Variants in DOCK10 observed in about 807,000 individuals in gnomAD.
DOCK10 encodes the protein dedicator of cytokinesis protein 10.
DOCK10 carries 145 observed loss-of-function variants against 280.1 expected under a neutral mutation model. The ratio of observed to expected loss-of-function variants is 0.52; its 90% CI spans 0.45 to 0.59. DOCK10 has a LOEUF of 0.59. Ranked by LOEUF, DOCK10 falls within the 20% of genes least tolerant of loss-of-function variation. The pLI is 0.00. For missense variants in DOCK10, 2,368 were observed against 2,651.7 expected, an observed-to-expected ratio of 0.89 and a Z score of 2.35; for synonymous variants, 915 against 942.2, an observed-to-expected ratio of 0.97 and a Z score of 0.53.
intron 1 of DOCK10, among the ~76,000 whole-genome samples, chr2:224,942,397 C>T (rs1489538768): frequency 6.6e-6 from 1 of 152,210 alleles, no homozygotes; most frequent in Non-Finnish European, 1.5e-5. Context: ...TCAACCTGTC[C>T]ATTTCCAACA....
At chr2:225,035,581 T>TG (rs1690232475) in intron 1 of DOCK10, among the ~76,000 whole-genome samples, 1 of 111,886 alleles carries the variant, frequency 8.9e-6, no homozygotes, top group African/African-American at 4.3e-5. Context: ...TATATATATA[T>TG]ATATATAACA....
chr2:224,973,426 A>G (rs1266969914), intron 1 of DOCK10, among the ~76,000 whole-genome samples: 1 of 152,130 alleles, frequency 6.6e-6, no homozygotes, highest in Non-Finnish European at 1.5e-5. Context: ...GGAAGGTGGG[A>G]GAGTCAGAGA....
intron 2 of DOCK10, among the ~76,000 whole-genome samples, chr2:224,926,320 G>GT (rs1341261755): frequency 6.6e-6 from 1 of 152,236 alleles, no homozygotes; most frequent in Non-Finnish European, 1.5e-5. Context: ...CAGACATTGT[G>GT]TTGGGTACTT....
chr2:224,900,220 C>G (rs1292250226), intron 3 of DOCK10, among the ~76,000 whole-genome samples: 1 of 151,836 alleles, frequency 6.6e-6, no homozygotes, highest in Non-Finnish European at 1.5e-5. Context: ...ATATGCTAGT[C>G]TTGAATTTCA....
intron 55 of DOCK10, among the ~76,000 whole-genome samples, chr2:224,767,747 A>G (rs1382659121): frequency 6.6e-6 from 1 of 152,132 alleles, no homozygotes; most frequent in Non-Finnish European, 1.5e-5. Flanking sequence ...CACCATCTTC[A>G]TGTTTGCTGG....
At chr2:224,844,082 T>C (rs892031016) in intron 22 of DOCK10, among the ~76,000 whole-genome samples, 2 of 152,104 alleles carry the variant, frequency 1.3e-5, no homozygotes, top group African/African-American at 4.8e-5. Flanking sequence ...GGGAAGGCAT[T>C]GGGGATTGGA....
Position 224,892,427 on chromosome 2 carries a change from G to GAAAGA in DOCK10, c.416+3863_416+3867dup, listed in dbSNP as rs61162322. Reference sequence around the variant, plus strand: ...AAAAAAAAAAAAAAAAAAAAAGAAAGAAAGAAAAGAAAAGAAAAGAAAAAA... The same window carrying GAAAGA: ...AAAAAAAAAAAAAAAAAAAAAGAAAGAAAGAAAAGAAAAGAAAAGAAAAGAAAAAA... On this transcript the variant is annotated intron_variant, in intron 4 of 55. Coordinates refer to ENST00000258390, the MANE Select transcript of DOCK10 (RefSeq NM_014689.3). Among the ~76,000 whole-genome samples, 561 of 94,004 alleles carry GAAAGA rather than the reference G, an allele frequency of 6.0e-3. 3 individuals carry two copies. The highest frequency in any genetic ancestry group is 0.017 in the African/African-American group (247 of 14,650). 61.7% of individuals were successfully genotyped at this position (94,004 alleles called of 152,430 possible).
At chr2:224,935,602 C>A (rs1702641010) in intron 1 of DOCK10, among the ~76,000 whole-genome samples, 1 of 152,168 alleles carries the variant, frequency 6.6e-6, no homozygotes, top group Admixed American at 6.5e-5. Context: ...GCATTAATTT[C>A]TCCATCTGTA....
intron 4 of DOCK10, 136 bp from the exon 5 acceptor site, chr2:224,886,667 T>G (rs2125762053): frequency 1.5e-6 from 1 of 669,208 alleles, no homozygotes. Flanking sequence ...ATCTTTTGAG[T>G]GTCTCATTTC....
intron 3 of DOCK10, among the ~76,000 whole-genome samples, chr2:224,898,135 G>C (rs376058688): frequency 4.6e-4 from 70 of 152,330 alleles, no homozygotes; most frequent in African/African-American, 1.6e-3. Flanking sequence ...AAGGATGGAG[G>C]GGGGTGGCCT....
chr2:224,790,108 A>G (rs538329510), intron 47 of DOCK10, among the ~76,000 whole-genome samples: 1 of 152,178 alleles, frequency 6.6e-6, no homozygotes, highest in East Asian at 1.9e-4. Flanking sequence ...ACTCTTTTAC[A>G]TTATGTAGAA....
In DOCK10 at chr2:224,925,533, G is replaced by A. The variant is rs529827923; in HGVS notation, c.243+6016C>T. On this transcript the variant is annotated intron_variant, in intron 2 of 55. Coordinates refer to ENST00000258390, the MANE Select transcript of DOCK10 (RefSeq NM_014689.3). ...TTTGACTTTGAAAATTGCACTGCCC[G>A]GTGTTGAAAGTCTAACTGTTCAAGT... Among the ~76,000 whole-genome samples the A allele has an allele frequency of 9.5e-4, 145 of 152,262 alleles. 1 individual carries two copies. Among genetic ancestry groups the A allele is most frequent in the Non-Finnish European group, 1.7e-3 (119 of 68,006 alleles).
At chr2:224,973,663 C>G (rs1705227153) in intron 1 of DOCK10, among the ~76,000 whole-genome samples, 2 of 151,988 alleles carry the variant, frequency 1.3e-5, no homozygotes, top group Non-Finnish European at 2.9e-5. Flanking sequence ...AACTGTAAGA[C>G]AATATGTGTG....
intron 2 of DOCK10, among the ~76,000 whole-genome samples, chr2:224,927,406 G>A (rs530027407): frequency 6.4e-4 from 98 of 152,316 alleles, no homozygotes; most frequent in Non-Finnish European, 1.0e-3. Context: ...ATTGAGTACT[G>A]TGTGTGAACG....
chr2:224,833,721 A>C (rs539036029), intron 26 of DOCK10, among the ~76,000 whole-genome samples: 49 of 151,690 alleles, frequency 3.2e-4, no homozygotes, highest in African/African-American at 1.2e-3. Context: ...ATCTCGGCTC[A>C]CTGCAACCTC....
chr2:224,839,989 C>G lies in DOCK10; in HGVS notation c.2745G>C (p.Gln915His). 1 of 1,557,500 alleles carries G rather than the reference C, an allele frequency of 6.4e-7. No homozygotes were observed. Among genetic ancestry groups the G allele is most frequent in the Non-Finnish European group, 8.7e-7 (1 of 1,146,672 alleles). Reference sequence around the variant, plus strand: ...TTGTAGTTATTTCATCTTCCTCATTCTGTACCAGAACTTTGAAGAGCTGAT... The same window carrying G: ...TTGTAGTTATTTCATCTTCCTCATTGTGTACCAGAACTTTGAAGAGCTGAT... ...ILNQLFKVLV[Q>H]NEEDEITTTV... The change falls in exon 24 of 56, where the codon CAG becomes CAC. Residue 915 changes from glutamine to histidine, a missense_variant. Gln to His is a conservative substitution (Grantham distance 24, BLOSUM62 0). This residue lies in a region of DOCK10 where 1,209 missense variants were observed against 1,250.9 expected (regional missense o/e 0.97). Coordinates refer to ENST00000258390, the MANE Select transcript of DOCK10 (RefSeq NM_014689.3).
At chr2:224,929,034 T>A (rs1242749183) in intron 2 of DOCK10, among the ~76,000 whole-genome samples, 1 of 152,250 alleles carries the variant, frequency 6.6e-6, no homozygotes, top group Non-Finnish European at 1.5e-5. Context: ...GCATGGCTGA[T>A]CCTTCTTGAG....
intron 41 of DOCK10, among the ~76,000 whole-genome samples, chr2:224,798,900 C>T (rs907648471): frequency 7.2e-5 from 11 of 152,198 alleles, no homozygotes; most frequent in African/African-American, 2.7e-4. Flanking sequence ...TCCCAAAGTG[C>T]TGGAATTACA....
At chr2:225,001,661 G>A (rs1316504710) in intron 1 of DOCK10, among the ~76,000 whole-genome samples, 1 of 152,172 alleles carries the variant, frequency 6.6e-6, no homozygotes, top group Non-Finnish European at 1.5e-5. Context: ...GTCCATGCAG[G>A]CTGCTATAAT....
Sources: allele counts gnomAD v4.1 joint callset (sites outside exome capture counted in the v4.1 genomes callset), GRCh38; gene constraint gnomAD v4.1.1; regional missense constraint gnomAD v4.1.1; transcripts MANE v1.5; gene names NCBI Gene and HGNC (gene_info 2026-07-23, HGNC 2026-07-21).